The following GALNTL6 variants were observed in gnomAD, a reference collection of about 807,000 sequenced individuals.
The protein encoded by GALNTL6 is polypeptide N-acetylgalactosaminyltransferase-like 6.
Under a neutral mutation model 73.7 loss-of-function variants are expected in GALNTL6, and 46 were observed. That is an observed-to-expected ratio of 0.62 (90% CI 0.49 to 0.80). The LOEUF (loss-of-function observed/expected upper bound fraction) is 0.80. Ranked by LOEUF, GALNTL6 falls within the 30% of genes least tolerant of loss-of-function variation. The pLI, the probability that GALNTL6 is intolerant of heterozygous loss-of-function variation, is 0.00. For missense variants in GALNTL6, 604 were observed against 755.0 expected (o/e 0.80, Z 2.34); for synonymous variants, 259 against 263.7 (o/e 0.98, Z 0.17).
At chr4:171,921,284 C>T (rs1444957143) in intron 2 of GALNTL6, among the ~76,000 whole-genome samples, 1 of 151,986 alleles carries the variant, frequency 6.6e-6, no homozygotes, top group Non-Finnish European at 1.5e-5. Flanking sequence ...ATGTGTCGAC[C>T]ATGTTTTTGT....
intron 7 of GALNTL6, among the ~76,000 whole-genome samples, chr4:172,817,304 G>T: frequency 6.6e-6 from 1 of 151,924 alleles, no homozygotes; most frequent in Non-Finnish European, 1.5e-5. Context: ...GGTGGTGCAC[G>T]CCTGTAGTCC....
intron 5 of GALNTL6, among the ~76,000 whole-genome samples, chr4:172,491,387 A>T (rs1222926228): frequency 5.3e-5 from 8 of 152,090 alleles, no homozygotes; most frequent in Non-Finnish European, 1.5e-5. Context: ...GATGTAGAAA[A>T]TTTTAAATAA....
intron 3 of GALNTL6, among the ~76,000 whole-genome samples, chr4:172,278,745 T>G (rs533379004): frequency 3.5e-4 from 54 of 152,242 alleles, no homozygotes; most frequent in African/African-American, 1.3e-3. Context: ...TTCAAAAAAA[T>G]TAAGAACTCC....
At chr4:172,222,960 A>T (rs1736735969) in intron 2 of GALNTL6, among the ~76,000 whole-genome samples, 1 of 152,014 alleles carries the variant, frequency 6.6e-6, no homozygotes, top group Non-Finnish European at 1.5e-5. Flanking sequence ...CCAGCACAAT[A>T]TGTTTTGCAA....
intron 5 of GALNTL6, among the ~76,000 whole-genome samples, chr4:172,637,938 T>C (rs1278816741): frequency 2.0e-5 from 3 of 152,124 alleles, no homozygotes; most frequent in Non-Finnish European, 4.4e-5. Flanking sequence ...CCATCCCTGA[T>C]TCCTAAACCT....
At chr4:172,420,181 C>T (rs555829016) in intron 5 of GALNTL6, among the ~76,000 whole-genome samples, 3 of 152,262 alleles carry the variant, frequency 2.0e-5, no homozygotes, top group African/African-American at 7.2e-5. Flanking sequence ...AGTCTAGGCT[C>T]ATTGTCATGA....
At chr4:171,949,044 G>T in intron 2 of GALNTL6, among the ~76,000 whole-genome samples, 1 of 151,980 alleles carries the variant, frequency 6.6e-6, no homozygotes, top group South Asian at 2.1e-4. Flanking sequence ...TTCAGAGTGC[G>T]TCCAAAAAGG....
At chr4:172,046,971 T>G (rs1742238716) in intron 2 of GALNTL6, among the ~76,000 whole-genome samples, 1 of 152,144 alleles carries the variant, frequency 6.6e-6, no homozygotes, top group Non-Finnish European at 1.5e-5. Flanking sequence ...AATCATGCCA[T>G]TTTTTCAGAG....
intron 5 of GALNTL6, among the ~76,000 whole-genome samples, chr4:172,650,787 C>A (rs540472505): frequency 1.2e-3 from 177 of 152,076 alleles, no homozygotes; most frequent in African/African-American, 4.0e-3. Context: ...ATAATGAGAA[C>A]TGATCATCAA....
chr4:172,128,105 A>G (rs1460128917), intron 2 of GALNTL6, among the ~76,000 whole-genome samples: 8 of 152,158 alleles, frequency 5.3e-5, no homozygotes, highest in African/African-American at 1.7e-4. Flanking sequence ...TTCCGTCTCA[A>G]AAAAAGAAAA....
At chr4:172,207,817 C>G (rs932646828) in intron 2 of GALNTL6, among the ~76,000 whole-genome samples, 1 of 152,214 alleles carries the variant, frequency 6.6e-6, no homozygotes, top group Non-Finnish European at 1.5e-5. Flanking sequence ...GCCTTCATAA[C>G]TTGCACGCAG....
chr4:171,910,330 A>G (rs1042143561), intron 2 of GALNTL6, among the ~76,000 whole-genome samples: 3 of 152,114 alleles, frequency 2.0e-5, no homozygotes, highest in African/African-American at 4.8e-5. Context: ...GGGGAGAAAC[A>G]TGTCACACAA....
chr4:172,824,081 T>G (rs902457289), intron 7 of GALNTL6, among the ~76,000 whole-genome samples: 2 of 152,172 alleles, frequency 1.3e-5, no homozygotes, highest in Admixed American at 6.5e-5. Flanking sequence ...CTCATATGTG[T>G]AGACTATGCC....
chr4:172,576,856 C>G (rs150150902), intron 5 of GALNTL6, among the ~76,000 whole-genome samples: 1 of 152,192 alleles, frequency 6.6e-6, no homozygotes, highest in Non-Finnish European at 1.5e-5. Flanking sequence ...TATGTAGAGA[C>G]TGACAGTGGT....
intron 2 of GALNTL6, among the ~76,000 whole-genome samples, chr4:172,050,788 CTA>C (rs977033199): frequency 2.0e-5 from 3 of 152,022 alleles, no homozygotes; most frequent in African/African-American, 7.2e-5. Context: ...TTCTTTAATT[CTA>C]TGTTTGGGTG....
intron 2 of GALNTL6, among the ~76,000 whole-genome samples, chr4:172,172,859 G>T (rs1053380464): frequency 1.3e-5 from 2 of 152,124 alleles, no homozygotes; most frequent in African/African-American, 4.8e-5. Flanking sequence ...TTACTAATCC[G>T]CAGTCTTTGT....
intron 5 of GALNTL6, among the ~76,000 whole-genome samples, chr4:172,599,556 G>A (rs1238519109): frequency 2.6e-5 from 4 of 152,014 alleles, no homozygotes; most frequent in African/African-American, 9.7e-5. Context: ...ACGATTTAAA[G>A]GTATGGCTTT....
At chr4:172,084,273 T>G (rs561841419) in intron 2 of GALNTL6, among the ~76,000 whole-genome samples, 1 of 152,082 alleles carries the variant, frequency 6.6e-6, no homozygotes, top group Non-Finnish European at 1.5e-5. Flanking sequence ...AAATGGAGTA[T>G]GAGAAAATGA....
At chr4:172,523,686 T>C (rs1055162688) in intron 5 of GALNTL6, among the ~76,000 whole-genome samples, 2 of 152,100 alleles carry the variant, frequency 1.3e-5, no homozygotes, top group African/African-American at 4.8e-5. Context: ...ATTATTTGTC[T>C]TTTTCTCATT....
Sources: allele counts gnomAD v4.1 joint callset (sites outside exome capture counted in the v4.1 genomes callset), GRCh38; gene constraint gnomAD v4.1.1; transcripts MANE v1.5; gene names NCBI Gene and HGNC (gene_info 2026-07-23, HGNC 2026-07-21).